Variants in FLI1 observed in about 807,000 individuals in gnomAD.
FLI1 encodes the protein Friend leukemia integration 1 transcription factor.
In FLI1, 13 loss-of-function variants were observed where a neutral mutation model predicts 53.1. That is an observed-to-expected ratio of 0.24 (90% CI 0.16 to 0.39). The LOEUF (loss-of-function observed/expected upper bound fraction) is 0.39, where lower values mean the gene tolerates loss of function less well. FLI1 is among the 10% of genes least tolerant of loss of function. The pLI, the probability that FLI1 is intolerant of heterozygous loss-of-function variation, is 1.00. For synonymous variants in FLI1, 244 were observed against 236.7 expected (o/e 1.03, Z -0.28); for missense variants, 424 against 600.5 (o/e 0.71, Z 3.07).
rs957428954 is a variant in FLI1, at chr11:128,694,105, A to G, written c.-154A>G. 3 of 600,242 alleles carry G rather than the reference A, an allele frequency of 5.0e-6. No homozygotes were observed. The highest frequency in any genetic ancestry group is 1.9e-5 in the African/African-American group (1 of 51,344). 37.2% of individuals were successfully genotyped at this position (600,242 alleles called of 1,614,324 possible). A position where few individuals can be genotyped will look rare whatever the true frequency, so the allele number is the denominator to read the frequency against. ...CTCCGCTACAACAACAAACGTGCACAGGGGAGTGAGGGCAGGGCGCTCGCA... is the reference window on the plus strand; with the variant it reads ...CTCCGCTACAACAACAAACGTGCACGGGGGAGTGAGGGCAGGGCGCTCGCA... On this transcript the variant is annotated 5_prime_UTR_variant, in exon 1 of 9. Coordinates refer to ENST00000527786, the MANE Select transcript of FLI1 (RefSeq NM_002017.5).
intron 5 of FLI1, among the ~76,000 whole-genome samples, chr11:128,795,440 A>C (rs1942405438): frequency 1.3e-5 from 2 of 152,222 alleles, no homozygotes; most frequent in African/African-American, 4.8e-5. Context: ...TAAAGGAAGA[A>C]CCAGAAGAAA....
chr11:128,686,341 GCA>G (rs1273938162), upstream of FLI1: 4 of 456,168 alleles, frequency 8.8e-6, no homozygotes, highest in Non-Finnish European at 1.8e-5. Context: ...GGGGGAGGCG[GCA>G]GTCTGATTTC....
chr11:128,723,583 G>A (rs987508125), intron 1 of FLI1, among the ~76,000 whole-genome samples: 7 of 152,172 alleles, frequency 4.6e-5, no homozygotes, highest in Middle Eastern at 3.2e-3. Flanking sequence ...GAAAGAAAGG[G>A]GAAGAAGGAG....
intron 5 of FLI1, among the ~76,000 whole-genome samples, chr11:128,794,265 A>G (rs996744990): frequency 3.3e-5 from 5 of 152,046 alleles, no homozygotes; most frequent in South Asian, 2.1e-4. Flanking sequence ...ATACTTTGGG[A>G]AAAAAAAGGA....
At chr11:128,752,611 G>T (rs1009533438) in intron 1 of FLI1, among the ~76,000 whole-genome samples, 1 of 152,218 alleles carries the variant, frequency 6.6e-6, no homozygotes, top group African/African-American at 2.4e-5. Context: ...ATGTGCTTAG[G>T]CTGTAGACCT....
chr11:128,775,975 G>T (rs1325511938), intron 4 of FLI1, among the ~76,000 whole-genome samples: 1 of 152,178 alleles, frequency 6.6e-6, no homozygotes, highest in African/African-American at 2.4e-5. Context: ...GCACTTCTCT[G>T]ATCTAATCTT....
chr11:128,802,534 C>G (rs943087686), intron 5 of FLI1, among the ~76,000 whole-genome samples: 2 of 152,260 alleles, frequency 1.3e-5, no homozygotes, highest in African/African-American at 4.8e-5. Flanking sequence ...TCTATTACTT[C>G]ACAGTGAGAG....
At chr11:128,734,352 A>G (rs891712906) in intron 1 of FLI1, among the ~76,000 whole-genome samples, 8 of 152,338 alleles carry the variant, frequency 5.3e-5, no homozygotes, top group Middle Eastern at 3.4e-3. Flanking sequence ...CTCAGATGGA[A>G]GAAGGCTATT....
intron 5 of FLI1, among the ~76,000 whole-genome samples, chr11:128,792,928 G>A (rs1014769621): frequency 3.9e-5 from 6 of 151,972 alleles, no homozygotes; most frequent in Non-Finnish European, 8.8e-5. Flanking sequence ...ATCAGCCCTG[G>A]CAACACAACT....
chr11:128,754,636 G>T (rs1156907330), intron 1 of FLI1, among the ~76,000 whole-genome samples: 3 of 152,202 alleles, frequency 2.0e-5, no homozygotes. Flanking sequence ...ATTTGCTGTG[G>T]TCCATCTCTA....
At chr11:128,764,217 T>A (rs956323161) in intron 2 of FLI1, among the ~76,000 whole-genome samples, 1 of 152,154 alleles carries the variant, frequency 6.6e-6, no homozygotes, top group African/African-American at 2.4e-5. Context: ...TCTCCCTTCA[T>A]CCAAACACCC....
At chr11:128,714,300 C>G (rs1938916086) in intron 1 of FLI1, among the ~76,000 whole-genome samples, 1 of 152,116 alleles carries the variant, frequency 6.6e-6, no homozygotes, top group Non-Finnish European at 1.5e-5. Flanking sequence ...TCCTGATCTC[C>G]ATCAAAGATG....
chr11:128,798,499 C>G (rs991397143), intron 5 of FLI1, among the ~76,000 whole-genome samples: 1 of 152,192 alleles, frequency 6.6e-6, no homozygotes, highest in Non-Finnish European at 1.5e-5. Context: ...AAGCCTTTTC[C>G]TCGTAGGTCT....
chr11:128,789,898 C>T (rs1341670062), intron 5 of FLI1, among the ~76,000 whole-genome samples: 1 of 152,096 alleles, frequency 6.6e-6, no homozygotes, highest in Non-Finnish European at 1.5e-5. Context: ...CCCACAGGCC[C>T]CATCTACGTC....
intron 1 of FLI1, among the ~76,000 whole-genome samples, chr11:128,735,808 C>A (rs1158317632): frequency 1.3e-5 from 2 of 152,202 alleles, no homozygotes; most frequent in African/African-American, 4.8e-5. Context: ...ATCATTCCTG[C>A]AAACAGAAAA....
At chr11:128,736,750 T>C (rs1939931695) in intron 1 of FLI1, among the ~76,000 whole-genome samples, 1 of 152,260 alleles carries the variant, frequency 6.6e-6, no homozygotes, top group African/African-American at 2.4e-5. Context: ...TATATGTGTG[T>C]ACTTTCTGCT....
chr11:128,741,377 A>G (rs1367079577), intron 1 of FLI1, among the ~76,000 whole-genome samples: 1 of 152,184 alleles, frequency 6.6e-6, no homozygotes. Context: ...TGGGCAGCAG[A>G]GTGAGACTCC....
chr11:128,694,769 C>T (rs545345615), intron 1 of FLI1, among the ~76,000 whole-genome samples: 4 of 152,168 alleles, frequency 2.6e-5, no homozygotes, highest in African/African-American at 9.6e-5. Context: ...GGGTAAGTGG[C>T]CTCGTTGCAC....
At chr11:128,731,325 C>T (rs1223459530) in intron 1 of FLI1, among the ~76,000 whole-genome samples, 1 of 152,148 alleles carries the variant, frequency 6.6e-6, no homozygotes, top group Admixed American at 6.5e-5. Flanking sequence ...TGAGTTTGCT[C>T]TCATCTTCTC....
Sources: gnomAD v4.1 joint callset for allele counts (sites outside exome capture counted in the v4.1 genomes callset) on GRCh38, gnomAD v4.1.1 for gene constraint, MANE v1.5 for transcripts, NCBI Gene and HGNC (gene_info 2026-07-23, HGNC 2026-07-21) for gene names.